Variants in ACAD10 observed in about 807,000 individuals in gnomAD.
The protein encoded by ACAD10 is ACAD-10.
ACAD10 carries 112 observed loss-of-function variants against 116.8 expected under a neutral mutation model. The ratio of observed to expected loss-of-function variants is 0.96; its 90% confidence interval spans 0.82 to 1.12. The LOEUF (loss-of-function observed/expected upper bound fraction) is 1.12, where lower values mean the gene tolerates loss of function less well. ACAD10 is among the 50% of genes most tolerant of loss of function. The probability of loss-of-function intolerance (pLI) is 0.00; values close to 1 mark genes in which losing one functional copy is unlikely to be tolerated. For synonymous variants in ACAD10, 486 were observed against 510.6 expected, an observed-to-expected ratio of 0.95 and a Z score of 0.65; for missense variants, 1,259 against 1,350.2, an observed-to-expected ratio of 0.93 and a Z score of 1.06.
intron 5 of ACAD10, among the ~76,000 whole-genome samples, chr12:111,711,034 G>A (rs897127224): frequency 2.0e-5 from 3 of 152,130 alleles, no homozygotes; most frequent in Non-Finnish European, 4.4e-5. Context: ...TGGGTTCGAA[G>A]GCCTTCCTCA....
At chr12:111,744,499 A>G (rs1183677943) in intron 12 of ACAD10, 144 bp from the exon 13 acceptor site, 18 of 965,464 alleles carry the variant, frequency 1.9e-5, no homozygotes, top group Admixed American at 2.5e-5. Flanking sequence ...TCAGTGAGCT[A>G]TAGTGGCTCT....
intron 18 of ACAD10, among the ~76,000 whole-genome samples, chr12:111,750,363 G>A (rs930143482): frequency 4.0e-5 from 6 of 151,524 alleles, no homozygotes; most frequent in Non-Finnish European, 8.8e-5. Flanking sequence ...CTCATGATCC[G>A]CCCACCTCAG....
intron 11 of ACAD10, among the ~76,000 whole-genome samples, chr12:111,736,029 G>A (rs922397510): frequency 2.0e-5 from 3 of 151,706 alleles, no homozygotes; most frequent in African/African-American, 7.3e-5. Context: ...ACAGGCGTGT[G>A]CCACAATGTC....
At chr12:111,711,719 A>T (rs1303801230) in intron 5 of ACAD10, among the ~76,000 whole-genome samples, 1 of 148,520 alleles carries the variant, frequency 6.7e-6, no homozygotes. Context: ...TCACTGTGTT[A>T]GCCAGGATGA....
chr12:111,688,805 A>C (rs1033645148), intron 1 of ACAD10, among the ~76,000 whole-genome samples: 1 of 151,514 alleles, frequency 6.6e-6, no homozygotes, highest in Non-Finnish European at 1.5e-5. Context: ...CCGTCTCAAA[A>C]CAAAACAAAA....
chr12:111,716,208 TC>T (rs888476023), intron 7 of ACAD10, among the ~76,000 whole-genome samples: 4 of 147,836 alleles, frequency 2.7e-5, no homozygotes, highest in South Asian at 4.4e-4. Flanking sequence ...CTACCCCCCA[TC>T]CCCCCCCAAA....
chr12:111,709,518 T>C lies in ACAD10; in HGVS notation c.532-8T>C. On this transcript the variant is annotated splice_polypyrimidine_tract_variant and splice_region_variant and intron_variant, in intron 4 of 20. Transcript: ENST00000313698. ...GACATTCATCTCTCATTCCTGTCCC[T>C]CCATCAGATTGTGGAGTCCTGCATG... 6.4e-7 allele frequency: 1 copy of C among 1,555,306 alleles called. No homozygotes were observed. Among genetic ancestry groups the C allele is most frequent in the Non-Finnish European group, 8.7e-7 (1 of 1,153,280 alleles).
Position 111,692,855 on chromosome 12 carries a change from T to G in ACAD10, c.146T>G (p.Met49Arg), listed in dbSNP as rs150310415. Reference protein sequence around the residue: ...GSTYRAVIFDMGGVLIPSPGR... With the variant: ...GSTYRAVIFDRGGVLIPSPGR... ...ACCTACAGAGCGGTGATTTTCGACATGGGCGGAGTTCTCATTCCTTCTCCA... is the reference window on the plus strand; with the variant it reads ...ACCTACAGAGCGGTGATTTTCGACAGGGGCGGAGTTCTCATTCCTTCTCCA... The change falls in exon 2 of 21, where the codon ATG becomes AGG. Residue 49 changes from methionine to arginine, a missense_variant. Met to Arg is a moderately conservative substitution (Grantham distance 91). Transcript: ENST00000313698. 5.8e-5 allele frequency: 94 copies of G among 1,614,016 alleles called. No individual in the cohort carries two copies. Among genetic ancestry groups the G allele is most frequent in the Non-Finnish European group, 7.5e-5 (88 of 1,180,026 alleles).
intron 7 of ACAD10, among the ~76,000 whole-genome samples, chr12:111,720,378 G>C (rs1219976289): frequency 6.6e-6 from 1 of 152,134 alleles, no homozygotes; most frequent in African/African-American, 2.4e-5. Context: ...TACTGAGAAA[G>C]GAGTGTTAAA....
chr12:111,745,933 C>A (rs1593052422), intron 13 of ACAD10, among the ~76,000 whole-genome samples: 1 of 150,644 alleles, frequency 6.6e-6, no homozygotes, highest in East Asian at 2.0e-4. Flanking sequence ...TCTCAACCTC[C>A]TGGGCTCATG....
At position 111,712,493 on chromosome 12, in the gene ACAD10, A is replaced by G. The variant is rs1230745858; in HGVS notation, c.691-5A>G. On this transcript the variant is annotated splice_polypyrimidine_tract_variant and splice_region_variant and intron_variant, in intron 5 of 20. Coordinates refer to ENST00000313698, the MANE Select transcript of ACAD10 (RefSeq NM_025247.6). The stretch of plus-strand genomic sequence containing the variant: ...TATACATCTACATATTCTCTCTGAA[A>G]CCAGGTTAATGACCCAGAGACTGCA... The G allele has an allele frequency of 6.2e-7, 1 of 1,609,718 alleles. No homozygotes were observed. Among genetic ancestry groups the G allele is most frequent in the Non-Finnish European group, 8.5e-7 (1 of 1,178,462 alleles).
At chr12:111,746,062 C>T in intron 13 of ACAD10, 82 bp from the exon 14 acceptor site, 1 of 1,538,382 alleles carries the variant, frequency 6.5e-7, no homozygotes, top group South Asian at 1.3e-5. Context: ...TTGTTTCCTC[C>T]AATCCCTTTC....
chr12:111,688,698 G>A (rs1054158971), intron 1 of ACAD10, among the ~76,000 whole-genome samples: 3 of 151,966 alleles, frequency 2.0e-5, no homozygotes, highest in South Asian at 4.2e-4. Context: ...TCAGCTACTC[G>A]GGAGGCTGAG....
At position 111,727,933 on chromosome 12, in the gene ACAD10, C is replaced by T. The variant is rs775908246; in HGVS notation, c.1062-29C>T. The T allele has an allele frequency of 1.5e-5, 23 of 1,582,406 alleles. No individual in the cohort carries two copies. In the African/African-American group the frequency reaches 1.8e-4, roughly 12 times the overall value. ...CAGCCTGCCACATTATGACTCTGAT[C>T]CCTGAAACCCCTTCTGTGTTCCTCC... On this transcript the variant is annotated intron_variant, in intron 8 of 20. Coordinates refer to ENST00000313698, the MANE Select transcript of ACAD10 (RefSeq NM_025247.6).
At chr12:111,746,015 A>AT in intron 13 of ACAD10, 129 bp from the exon 14 acceptor site, 1 of 1,202,274 alleles carries the variant, frequency 8.3e-7, no homozygotes, top group Non-Finnish European at 1.1e-6. Context: ...TCCTCATATC[A>AT]TTTTTTTGGG....
At chr12:111,739,767 A>T (rs1341198739) in intron 12 of ACAD10, among the ~76,000 whole-genome samples, 1 of 151,810 alleles carries the variant, frequency 6.6e-6, no homozygotes, top group African/African-American at 2.4e-5. Flanking sequence ...GAAAAAAAAA[A>T]GGTGGGGGGA....
chr12:111,724,592 T>C (rs1328211552), intron 8 of ACAD10, among the ~76,000 whole-genome samples: 1 of 152,140 alleles, frequency 6.6e-6, no homozygotes, highest in Non-Finnish European at 1.5e-5. Flanking sequence ...CACTCGCGGT[T>C]AGGGGCTGGA....
rs1386022022 is a variant in ACAD10 at position 111,709,628 on chromosome 12, G to A, written c.634G>A (p.Asp212Asn). ...GCAGCCCTCTGAGTCCATCTTTCTT[G>A]ATGACCTTGGAACAAATCTAAAAGA... ...GLQPSESIFL[D>N]DLGTNLKEAA... is the part of the protein sequence containing the mutation. The change falls in exon 5 of 21, where the codon GAT becomes AAT. Residue 212 changes from aspartate to asparagine, a missense_variant. Physicochemically the swap from Asp to Asn is conservative, Grantham distance 23. Transcript: ENST00000313698. 5 of 1,613,876 alleles carry A rather than the reference G, an allele frequency of 3.1e-6. No individual in the cohort carries two copies. The highest frequency in any genetic ancestry group is 1.1e-5 in the South Asian group (1 of 91,078).
chr12:111,740,803 GAAAA>G (rs1408826337), intron 12 of ACAD10, among the ~76,000 whole-genome samples: 1 of 135,314 alleles, frequency 7.4e-6, no homozygotes, highest in Non-Finnish European at 1.6e-5. Context: ...AAAAAAAAAA[GAAAA>G]GAAAAAGAAA....
Sources: allele counts gnomAD v4.1 joint callset (sites outside exome capture counted in the v4.1 genomes callset), GRCh38; gene constraint gnomAD v4.1.1; transcripts MANE v1.5; gene names NCBI Gene and HGNC (gene_info 2026-07-23, HGNC 2026-07-21).